Variants in TGFA observed in about 807,000 individuals in gnomAD.
TGFA encodes protransforming growth factor alpha.
In TGFA, 12 loss-of-function variants were observed where a neutral mutation model predicts 21.7. The ratio of observed to expected loss-of-function variants is 0.55; its 90% confidence interval spans 0.35 to 0.90. The LOEUF is 0.90. Ranked by LOEUF, TGFA falls within the 40% of genes least tolerant of loss-of-function variation. The pLI is 0.01. For synonymous variants in TGFA, 79 were observed against 88.1 expected, an observed-to-expected ratio of 0.90 and a Z score of 0.58; for missense variants, 178 against 210.8, an observed-to-expected ratio of 0.84 and a Z score of 0.96.
At chr2:70,509,843 G>A (rs1553500710) in intron 2 of TGFA, among the ~76,000 whole-genome samples, 2 of 152,202 alleles carry the variant, frequency 1.3e-5, no homozygotes, top group Admixed American at 1.3e-4. Flanking sequence ...GGTTAAGCAA[G>A]TAGCCACCCA....
rs782806949 is a variant in TGFA, at chr2:70,465,571, G to T, written c.215+45C>A. The T allele has an allele frequency of 6.2e-6, 10 of 1,612,424 alleles. No homozygotes were observed. In the Admixed American group the frequency reaches 1.5e-4, roughly 24 times the overall value. On this transcript the variant is annotated intron_variant, in intron 3 of 5. Transcript: ENST00000295400. ...TAAATGCTCTTCTAATTGGATATTG[G>T]ACTGACCCCAGCCCCAGATCTCCAG...
intron 1 of TGFA, among the ~76,000 whole-genome samples, chr2:70,539,594 A>G (rs1257210775): frequency 6.6e-6 from 1 of 152,152 alleles, no homozygotes; most frequent in Non-Finnish European, 1.5e-5. Flanking sequence ...AGCTGGGATT[A>G]CAGGCACCTG....
chr2:70,509,761 G>C (rs111497409), intron 2 of TGFA, among the ~76,000 whole-genome samples: 2,202 of 152,222 alleles, frequency 0.014, 24 homozygotes, highest in Non-Finnish European at 0.021. Context: ...ACACCCCCTT[G>C]GTCATTAGAG....
intron 1 of TGFA, among the ~76,000 whole-genome samples, chr2:70,550,104 A>G (rs1553506567): frequency 6.6e-6 from 1 of 152,220 alleles, no homozygotes; most frequent in Non-Finnish European, 1.5e-5. Flanking sequence ...AGGGAAGGTG[A>G]TCTATTTCGC....
At chr2:70,553,578 C>T in intron 1 of TGFA, 150 bp downstream of exon 1, 1 of 1,311,712 alleles carries the variant, frequency 7.6e-7, no homozygotes, top group Non-Finnish European at 9.7e-7. Context: ...AATGACTCCC[C>T]TTGCCTCCCA....
chr2:70,495,070 T>C (rs1333604606), intron 2 of TGFA, among the ~76,000 whole-genome samples: 1 of 152,250 alleles, frequency 6.6e-6, no homozygotes, highest in African/African-American at 2.4e-5. Flanking sequence ...TATGCTTCCA[T>C]TTAAAAAGTA....
chr2:70,485,154 C>A (rs1011694880), intron 2 of TGFA, among the ~76,000 whole-genome samples: 4 of 152,154 alleles, frequency 2.6e-5, no homozygotes, highest in Middle Eastern at 3.2e-3. Flanking sequence ...TTGTTTATAG[C>A]AATACTGTGT....
chr2:70,540,066 A>C (rs147357357), intron 1 of TGFA, among the ~76,000 whole-genome samples: 1 of 152,326 alleles, frequency 6.6e-6, no homozygotes, highest in Admixed American at 6.5e-5. Flanking sequence ...AAGCAGGTTC[A>C]CCATGCCTTT....
intron 4 of TGFA, among the ~76,000 whole-genome samples, chr2:70,454,621 C>A (rs144351722): frequency 1.1e-3 from 171 of 152,342 alleles, no homozygotes; most frequent in African/African-American, 3.7e-3. Context: ...GCCTCTAGAT[C>A]CCTCCAGCAT....
chr2:70,532,640 C>A (rs76994489), intron 1 of TGFA, among the ~76,000 whole-genome samples: 1 of 152,204 alleles, frequency 6.6e-6, no homozygotes, highest in East Asian at 1.9e-4. Context: ...TAGGCTCCTA[C>A]GCCTGTGGTT....
chr2:70,507,437 A>G (rs140341479), intron 2 of TGFA, among the ~76,000 whole-genome samples: 267 of 152,336 alleles, frequency 1.8e-3, no homozygotes, highest in African/African-American at 6.1e-3. Context: ...TACTTTTTCT[A>G]TGTATATATC....
chr2:70,497,300 G>A (rs1028621809), intron 2 of TGFA, among the ~76,000 whole-genome samples: 1 of 152,092 alleles, frequency 6.6e-6, no homozygotes, highest in African/African-American at 2.4e-5. Context: ...TGCAGTATTG[G>A]GTTTGCCATT....
At chr2:70,545,397 C>T (rs1289355558) in intron 1 of TGFA, among the ~76,000 whole-genome samples, 1 of 152,086 alleles carries the variant, frequency 6.6e-6, no homozygotes, top group Non-Finnish European at 1.5e-5. Context: ...AGTTCCTATG[C>T]CACAGTATGC....
At chr2:70,521,391 T>C (rs1672454862) in intron 1 of TGFA, among the ~76,000 whole-genome samples, 1 of 152,176 alleles carries the variant, frequency 6.6e-6, no homozygotes, top group South Asian at 2.1e-4. Flanking sequence ...TTCATGCTAC[T>C]AGGATCCTCA....
At chr2:70,456,255 G>A in intron 4 of TGFA, 84 bp downstream of exon 4, 8 of 1,455,196 alleles carry the variant, frequency 5.5e-6, no homozygotes, top group Non-Finnish European at 7.4e-6. Context: ...GTGCTGAGGT[G>A]GCCCTGTTAT....
At chr2:70,490,562 G>A (rs1032017618) in intron 2 of TGFA, among the ~76,000 whole-genome samples, 1 of 152,230 alleles carries the variant, frequency 6.6e-6, no homozygotes, top group Non-Finnish European at 1.5e-5. Flanking sequence ...CTCCTTTAAT[G>A]CAGTTGGACA....
chr2:70,452,850 G>T lies in TGFA; in HGVS notation c.475+368C>A, dbSNP rs191375720. Among the ~76,000 whole-genome samples the T allele has an allele frequency of 4.7e-4, 71 of 152,288 alleles. 1 individual carries two copies. The East Asian group carries it at 0.012, about 25-fold the overall frequency. On this transcript the variant is annotated intron_variant, in intron 5 of 5. Coordinates refer to ENST00000295400, the MANE Select transcript of TGFA (RefSeq NM_003236.4). ...CCCAGCTACTCGAGAGGCTGAGGCAGGAGAATCACTTGAAACTGGGAGGTG... is the reference window on the plus strand; with the variant it reads ...CCCAGCTACTCGAGAGGCTGAGGCATGAGAATCACTTGAAACTGGGAGGTG...
At chr2:70,527,018 C>A (rs562139751) in intron 1 of TGFA, among the ~76,000 whole-genome samples, 1 of 152,288 alleles carries the variant, frequency 6.6e-6, no homozygotes, top group Non-Finnish European at 1.5e-5. Context: ...ATAAAGTGGT[C>A]CAGACACTTT....
chr2:70,511,691 T>C (rs1672105916), intron 2 of TGFA, among the ~76,000 whole-genome samples: 1 of 152,094 alleles, frequency 6.6e-6, no homozygotes. Flanking sequence ...ACGAGTGAAG[T>C]GGGCTTTGCT....
Sources: gnomAD v4.1 joint callset for allele counts (sites outside exome capture counted in the v4.1 genomes callset) on GRCh38, gnomAD v4.1.1 for gene constraint, MANE v1.5 for transcripts, NCBI Gene and HGNC (gene_info 2026-07-23, HGNC 2026-07-21) for gene names.